ICOS: variants seen among roughly 807,000 people sequenced by gnomAD.
The protein encoded by ICOS is inducible T-cell costimulator.
In ICOS, 15 loss-of-function variants were observed where a neutral mutation model predicts 24.6. The observed-to-expected ratio is 0.61, with a 90% CI of 0.41 to 0.94. ICOS has a LOEUF of 0.94. ICOS is among the 40% of genes least tolerant of loss of function. ICOS has a pLI of 0.00. For missense variants in ICOS, 200 were observed against 233.0 expected (o/e 0.86, Z 0.92); for synonymous variants, 89 against 77.5 (o/e 1.15, Z -0.78).
At chr2:203,939,129 A>T (rs1559031724) in intron 1 of ICOS, among the ~76,000 whole-genome samples, 1 of 152,204 alleles carries the variant, frequency 6.6e-6, no homozygotes, top group Non-Finnish European at 1.5e-5. Context: ...TCCAACCAGG[A>T]AAGGTTAAGT....
Position 203,955,873 on chromosome 2 carries a change from T to C in ICOS, c.296T>C (p.Leu99Ser). The C allele has an allele frequency of 6.2e-7, 1 of 1,613,784 alleles. No individual in the cohort carries two copies. Among genetic ancestry groups the C allele is most frequent in the Non-Finnish European group, 8.5e-7 (1 of 1,179,764 alleles). Residue 99 changes from leucine (L) to serine (S), a missense_variant, in exon 2 of 5, where the codon TTG (leucine) becomes TCG (serine). By Grantham distance (145) the Leu-to-Ser change is moderately radical. Transcript: ENST00000316386. ...NNSVSFFLYN[L>S]DHSHANYYFC... Reference sequence around the variant, plus strand: ...AGTGTCTCTTTTTTTCTATACAACTTGGACCATTCTCATGCCAACTATTAC... The same window carrying C: ...AGTGTCTCTTTTTTTCTATACAACTCGGACCATTCTCATGCCAACTATTAC...
At chr2:203,945,621 T>C (rs1689854470) in intron 1 of ICOS, among the ~76,000 whole-genome samples, 1 of 152,190 alleles carries the variant, frequency 6.6e-6, no homozygotes, top group Non-Finnish European at 1.5e-5. Context: ...CTGTACAGCA[T>C]GTTACTGTAC....
Position 203,955,682 on chromosome 2 carries a change from C to G in ICOS, c.105C>G (p.Asn35Lys), listed in dbSNP as rs201031378. The G allele has an allele frequency of 1.9e-6, 3 of 1,613,312 alleles. No individual in the cohort carries two copies. The highest frequency in any genetic ancestry group is 2.2e-5 in the East Asian group (1 of 44,838). ...ATTATGAGATGTTTATATTTCACAA[C>G]GGAGGTGTACAAATTTTATGCAAAT... ...SANYEMFIFH[N>K]GGVQILCKYP... is the part of the protein sequence containing the mutation. The change falls in exon 2 of 5, where the codon AAC (asparagine) becomes AAG (lysine). Residue 35 changes from asparagine (N) to lysine (K), a missense_variant. Asn to Lys is a moderately conservative substitution (Grantham distance 94). Transcript: ENST00000316386.
At chr2:203,938,710 G>A (rs1363853760) in intron 1 of ICOS, among the ~76,000 whole-genome samples, 1 of 152,202 alleles carries the variant, frequency 6.6e-6, no homozygotes, top group Non-Finnish European at 1.5e-5. Context: ...TCTGTGGAAG[G>A]TGAGATCCAG....
rs1302371793 is a variant in ICOS, at chr2:203,936,830, T to C, written c.16T>C (p.Trp6Arg). 1 of 1,613,182 alleles carries C rather than the reference T, an allele frequency of 6.2e-7. No homozygotes were observed. Among genetic ancestry groups the C allele is most frequent in the East Asian group, 2.2e-5 (1 of 44,896 alleles). MKSGL[W>R]YFFLFCLRIK... ...TCTGGCAAACATGAAGTCAGGCCTC[T>C]GGTATTTCTTTCTCTTCTGCTTGCG... The change falls in exon 1 of 5, where the codon TGG (tryptophan) becomes CGG (arginine). Residue 6 changes from tryptophan to arginine, a missense_variant. Trp to Arg is a moderately radical substitution (Grantham distance 101). Transcript: ENST00000316386.
intron 1 of ICOS, among the ~76,000 whole-genome samples, chr2:203,953,337 G>C (rs535628828): frequency 6.6e-6 from 1 of 152,200 alleles, no homozygotes; most frequent in African/African-American, 2.4e-5. Context: ...AATTTAGCCT[G>C]GTAATTTCTC....
chr2:203,959,804 A>G lies in ICOS; in HGVS notation c.*205A>G. On this transcript the variant is annotated 3_prime_UTR_variant, in exon 5 of 5. Coordinates refer to ENST00000316386, the MANE Select transcript of ICOS (RefSeq NM_012092.4). ...CTTGGTACTGCCGAGTCCTCTCAAA[A>G]CAAACACCCTCTTGCAACCAGCTTT... 1 of 638,902 alleles carries G rather than the reference A, an allele frequency of 1.6e-6. No homozygotes were observed. Among genetic ancestry groups the G allele is most frequent in the Non-Finnish European group, 2.8e-6 (1 of 353,632 alleles). The allele number at this position is 638,902 out of a possible 1,614,324, so 39.6% of individuals were successfully genotyped here.
chr2:203,954,238 T>C lies in ICOS; in HGVS notation c.59-1398T>C, dbSNP rs529147167. Reference sequence around the variant, plus strand: ...CAGTTTTTTCCTTCTGTGATTCCCATGTAGCTTGCAAAAACAACCTTGGCT... The same window carrying C: ...CAGTTTTTTCCTTCTGTGATTCCCACGTAGCTTGCAAAAACAACCTTGGCT... On this transcript the variant is annotated intron_variant, in intron 1 of 4. Coordinates refer to ENST00000316386, the MANE Select transcript of ICOS (RefSeq NM_012092.4). Among the ~76,000 whole-genome samples, 3 of 152,318 alleles carry C rather than the reference T, an allele frequency of 2.0e-5. No individual in the cohort carries two copies. The East Asian group carries it at 5.8e-4, about 29-fold the overall frequency.
intron 1 of ICOS, among the ~76,000 whole-genome samples, chr2:203,937,195 A>T (rs1161867664): frequency 2.6e-5 from 4 of 152,216 alleles, no homozygotes; most frequent in Non-Finnish European, 5.9e-5. Context: ...GATGAAAGGC[A>T]AAATGACTTG....
chr2:203,946,149 TA>T (rs994527803), intron 1 of ICOS, among the ~76,000 whole-genome samples: 2 of 152,226 alleles, frequency 1.3e-5, no homozygotes, highest in Non-Finnish European at 2.9e-5. Flanking sequence ...ACTAACAAAA[TA>T]ACTTGTTTGT....
chr2:203,939,506 G>A (rs771180830), intron 1 of ICOS, among the ~76,000 whole-genome samples: 1 of 152,118 alleles, frequency 6.6e-6, no homozygotes, highest in Admixed American at 6.6e-5. Context: ...TATGAGTGAT[G>A]GGACAAATTC....
intron 1 of ICOS, among the ~76,000 whole-genome samples, chr2:203,937,453 A>C (rs899720303): frequency 6.6e-6 from 1 of 152,174 alleles, no homozygotes; most frequent in Non-Finnish European, 1.5e-5. Flanking sequence ...CCTTACAAAA[A>C]AGATCATTCT....
intron 1 of ICOS, among the ~76,000 whole-genome samples, chr2:203,945,910 G>C (rs565839133): frequency 9.2e-5 from 14 of 152,270 alleles, no homozygotes; most frequent in Non-Finnish European, 1.9e-4. Context: ...GGGCTCCTGG[G>C]GGTAGACATG....
chr2:203,944,941 A>G (rs999241650), intron 1 of ICOS, among the ~76,000 whole-genome samples: 1 of 152,252 alleles, frequency 6.6e-6, no homozygotes, highest in Admixed American at 6.5e-5. Context: ...GGTAACAGAA[A>G]TAATGAAATG....
At chr2:203,952,261 A>G (rs1470334882) in intron 1 of ICOS, among the ~76,000 whole-genome samples, 1 of 152,216 alleles carries the variant, frequency 6.6e-6, no homozygotes, top group African/African-American at 2.4e-5. Context: ...TTTAGTAATT[A>G]TGGAAGAAAT....
chr2:203,949,698 C>A (rs1689936085), intron 1 of ICOS, among the ~76,000 whole-genome samples: 2 of 152,022 alleles, frequency 1.3e-5, no homozygotes, highest in South Asian at 2.1e-4. Context: ...GAAGAAAAGG[C>A]AAACATGAGA....
In ICOS at chr2:203,961,382, G is replaced by C. The variant is rs570864442; in HGVS notation, c.*1783G>C. On this transcript the variant is annotated 3_prime_UTR_variant, in exon 5 of 5. Coordinates refer to ENST00000316386, the MANE Select transcript of ICOS (RefSeq NM_012092.4). ...GGGGTATGGGGAGGAGAACCTTCAT[G>C]GTGGCCCACCTGGCCTGGTTGTCCA... 1.1e-5 allele frequency: 2 copies of C among 173,920 alleles called. No individual in the cohort carries two copies. Among genetic ancestry groups the C allele is most frequent in the South Asian group, 4.0e-4 (2 of 4,992 alleles). The allele number at this position is 173,920 out of a possible 1,614,324, so 10.8% of individuals were successfully genotyped here.
chr2:203,941,028 CCCACCTCCGCCT>C (rs1553497933), intron 1 of ICOS, among the ~76,000 whole-genome samples: 4 of 149,856 alleles, frequency 2.7e-5, no homozygotes, highest in African/African-American at 7.3e-5. Context: ...TCGTGATCCG[CCCACCTCCGCCT>C]CCGCCTCCGC....
At chr2:203,951,837 T>C (rs1000825184) in intron 1 of ICOS, among the ~76,000 whole-genome samples, 1 of 152,178 alleles carries the variant, frequency 6.6e-6, no homozygotes, top group Admixed American at 6.5e-5. Flanking sequence ...AAAGCAACAG[T>C]GGGGCAACAT....
Sources: gnomAD v4.1 joint callset for allele counts (sites outside exome capture counted in the v4.1 genomes callset) on GRCh38, gnomAD v4.1.1 for gene constraint, MANE v1.5 for transcripts, NCBI Gene and HGNC (gene_info 2026-07-23, HGNC 2026-07-21) for gene names.